RBM33: variants seen among roughly 807,000 people sequenced by gnomAD.
The protein encoded by RBM33 is RNA-binding protein 33.
Under a neutral mutation model 132.6 loss-of-function variants are expected in RBM33, and 28 were observed. The observed-to-expected ratio is 0.21, with a 90% confidence interval of 0.16 to 0.29. The LOEUF (loss-of-function observed/expected upper bound fraction) is 0.29, where lower values mean the gene tolerates loss of function less well. Among genes scored for constraint, RBM33 ranks in the 10% least tolerant of loss-of-function variants. RBM33 has a pLI of 1.00. For missense variants in RBM33, 1,291 were observed against 1,518.5 expected (o/e 0.85, Z 2.49); for synonymous variants, 634 against 593.0 (o/e 1.07, Z -1.01).
rs369078260 is a variant in RBM33 at position 155,673,800 on chromosome 7, A to ACACC, written c.171+886_171+887insACCC. 3.7e-3 allele frequency among the ~76,000 whole-genome samples: 524 copies of ACACC among 141,936 alleles called. 7 individuals are homozygous for ACACC. The highest frequency in any genetic ancestry group is 7.2e-3 in the Middle Eastern group (2 of 278). The allele number at this position is 141,936 out of a possible 152,430, so 93.1% of individuals were successfully genotyped here. A position where few individuals can be genotyped will look rare whatever the true frequency, so the allele number is the denominator to read the frequency against. On this transcript the variant is annotated intron_variant, in intron 3 of 17. Coordinates refer to ENST00000401878, the MANE Select transcript of RBM33 (RefSeq NM_053043.3). ...CACACACACACACACACACACACAC[A>ACACC]CCCCTACCAGTATATTTCGGACATT...
chr7:155,689,211 G>A (rs1799562427), intron 5 of RBM33, among the ~76,000 whole-genome samples: 1 of 152,200 alleles, frequency 6.6e-6, no homozygotes, highest in Admixed American at 6.5e-5. Context: ...GAGTGTGTAT[G>A]TGTCCAGGAA....
intron 6 of RBM33, among the ~76,000 whole-genome samples, chr7:155,704,267 C>T (rs865835974): frequency 1.3e-5 from 2 of 152,118 alleles, no homozygotes; most frequent in Non-Finnish European, 2.9e-5. Context: ...TCTTAATTGA[C>T]TAGCTTTTTT....
At chr7:155,672,115 A>C (rs1418996289) in intron 2 of RBM33, among the ~76,000 whole-genome samples, 1 of 150,054 alleles carries the variant, frequency 6.7e-6, no homozygotes, top group Non-Finnish European at 1.5e-5. Flanking sequence ...TTTTTTTTTC[A>C]GTTTCTTTTG....
chr7:155,743,706 A>G (rs1208409881), intron 13 of RBM33, among the ~76,000 whole-genome samples: 1 of 152,094 alleles, frequency 6.6e-6, no homozygotes, highest in Non-Finnish European at 1.5e-5. Flanking sequence ...GAATCTGCTT[A>G]TTTGGAGGTC....
chr7:155,766,414 A>G (rs1362452807), intron 15 of RBM33, 53 bp from the exon 16 acceptor site: 4 of 1,575,248 alleles, frequency 2.5e-6, no homozygotes, highest in East Asian at 2.2e-5. Flanking sequence ...CTTAGTGACT[A>G]TCGAAGAAGC....
intron 1 of RBM33, among the ~76,000 whole-genome samples, chr7:155,659,874 A>G (rs1371367255): frequency 6.6e-6 from 1 of 152,204 alleles, no homozygotes; most frequent in African/African-American, 2.4e-5. Flanking sequence ...TGCCTCTTCC[A>G]GCTTTTGTTG....
chr7:155,756,260 A>T (rs1267449544), intron 14 of RBM33, among the ~76,000 whole-genome samples: 3 of 152,234 alleles, frequency 2.0e-5, no homozygotes, highest in East Asian at 3.8e-4. Flanking sequence ...TAATTTTAGG[A>T]TCTCTTTCAA....
intron 1 of RBM33, among the ~76,000 whole-genome samples, chr7:155,656,866 C>G (rs1458682350): frequency 6.6e-6 from 1 of 152,042 alleles, no homozygotes; most frequent in Non-Finnish European, 1.5e-5. Flanking sequence ...CTGCTCTAGT[C>G]TTTTCCAATA....
At chr7:155,735,114 C>G (rs184589277) in intron 9 of RBM33, among the ~76,000 whole-genome samples, 19 of 152,078 alleles carry the variant, frequency 1.2e-4, no homozygotes, top group African/African-American at 4.6e-4. Context: ...TATTGATATA[C>G]AAAACTAAAG....
chr7:155,753,732 A>G (rs1204469860), intron 14 of RBM33, among the ~76,000 whole-genome samples: 1 of 152,168 alleles, frequency 6.6e-6, no homozygotes, highest in Non-Finnish European at 1.5e-5. Context: ...GGGCCACGAG[A>G]GATGCACATT....
intron 14 of RBM33, among the ~76,000 whole-genome samples, chr7:155,759,749 GTA>G (rs1197083766): frequency 6.6e-6 from 1 of 152,174 alleles, no homozygotes; most frequent in African/African-American, 2.4e-5. Flanking sequence ...CATACACATT[GTA>G]TACCTTACAA....
intron 16 of RBM33, 89 bp downstream of exon 16, chr7:155,766,744 T>TTGGC: frequency 8.0e-7 from 1 of 1,247,320 alleles, no homozygotes; most frequent in Non-Finnish European, 1.1e-6. Flanking sequence ...GCCCTTTGTG[T>TTGGC]TGGCTACTTC....
intron 1 of RBM33, among the ~76,000 whole-genome samples, chr7:155,652,624 T>A (rs145199346): frequency 6.6e-6 from 1 of 152,342 alleles, no homozygotes; most frequent in African/African-American, 2.4e-5. Flanking sequence ...CTAGTAGATA[T>A]CTTCAGTCTT....
chr7:155,753,949 A>G (rs1199311909), intron 14 of RBM33, among the ~76,000 whole-genome samples: 1 of 152,236 alleles, frequency 6.6e-6, no homozygotes, highest in Non-Finnish European at 1.5e-5. Flanking sequence ...ACAGTCTAGC[A>G]TCTTCCTTTT....
chr7:155,761,426 G>A (rs561088346), intron 14 of RBM33, among the ~76,000 whole-genome samples: 8 of 152,252 alleles, frequency 5.3e-5, no homozygotes, highest in Admixed American at 4.6e-4. Context: ...TACTGGTGAA[G>A]CTATTTGGGT....
intron 1 of RBM33, among the ~76,000 whole-genome samples, chr7:155,646,634 T>C (rs1798203801): frequency 6.6e-6 from 1 of 152,254 alleles, no homozygotes; most frequent in African/African-American, 2.4e-5. Context: ...TCTCACGCTT[T>C]TAAGGGAGGC....
chr7:155,672,223 A>G (rs934375184), intron 2 of RBM33, among the ~76,000 whole-genome samples: 1 of 151,996 alleles, frequency 6.6e-6, no homozygotes, highest in African/African-American at 2.4e-5. Flanking sequence ...GTTTTTAAAG[A>G]TAGGAGAAAG....
intron 1 of RBM33, among the ~76,000 whole-genome samples, chr7:155,664,418 G>A (rs1798742550): frequency 6.6e-6 from 1 of 151,516 alleles, no homozygotes; most frequent in African/African-American, 2.4e-5. Context: ...GCACCTCCGT[G>A]CCTGGCTGAT....
chr7:155,778,546 A>G lies in RBM33; in HGVS notation c.*3505A>G, dbSNP rs1802700222. 6.6e-6 allele frequency: 1 copy of G among 152,136 alleles called. No individual in the cohort carries two copies. Among genetic ancestry groups the G allele is most frequent in the East Asian group, 1.9e-4 (1 of 5,158 alleles). 9.4% of individuals were successfully genotyped at this position (152,136 alleles called of 1,614,324 possible). A position where few individuals can be genotyped will look rare whatever the true frequency, so the allele number is the denominator to read the frequency against. The stretch of plus-strand genomic sequence containing the variant: ...TCATCCAGTCCGGTCGGTGGAGTTG[A>G]GAGCCCTTGGGCCAGGGTGTTTGGC... On this transcript the variant is annotated 3_prime_UTR_variant, in exon 18 of 18. Transcript: ENST00000401878. The surrounding 1 kb of genome is among the most constrained non-coding windows in gnomAD (Gnocchi z 4.0).
Sources: gnomAD v4.1 joint callset for allele counts (sites outside exome capture counted in the v4.1 genomes callset) on GRCh38, gnomAD v4.1.1 for gene constraint, Gnocchi (gnomAD v3.1) non-coding constraint, MANE v1.5 for transcripts, NCBI Gene and HGNC (gene_info 2026-07-23, HGNC 2026-07-21) for gene names.